The following CNTN5 variants were observed in gnomAD, a reference collection of about 807,000 sequenced individuals.
CNTN5 encodes the protein contactin-5.
In CNTN5, 77 loss-of-function variants were observed where a neutral mutation model predicts 129.1. The observed-to-expected ratio is 0.60, with a 90% confidence interval of 0.50 to 0.72. The LOEUF (loss-of-function observed/expected upper bound fraction) is 0.72, where lower values mean the gene tolerates loss of function less well. Ranked by LOEUF, CNTN5 falls within the 30% of genes least tolerant of loss-of-function variation. The pLI, the probability that CNTN5 is intolerant of heterozygous loss-of-function variation, is 0.00. For synonymous variants in CNTN5, 509 were observed against 465.6 expected, an observed-to-expected ratio of 1.09 and a Z score of -1.20; for missense variants, 1,478 against 1,328.8, an observed-to-expected ratio of 1.11 and a Z score of -1.75.
intron 7 of CNTN5, among the ~76,000 whole-genome samples, chr11:99,935,578 G>GTA (rs1295640529): frequency 1.3e-5 from 2 of 151,962 alleles, no homozygotes; most frequent in Admixed American, 6.6e-5. Context: ...GTGTATGTAT[G>GTA]TATATATATG....
At chr11:99,279,056 A>G (rs1018943704) in intron 1 of CNTN5, among the ~76,000 whole-genome samples, 1 of 151,846 alleles carries the variant, frequency 6.6e-6, no homozygotes, top group African/African-American at 2.4e-5. Flanking sequence ...ACACCACTAT[A>G]AAAACATATA....
intron 9 of CNTN5, among the ~76,000 whole-genome samples, chr11:100,017,905 TAAAAG>T (rs1940918362): frequency 6.6e-6 from 1 of 151,934 alleles, no homozygotes; most frequent in Non-Finnish European, 1.5e-5. Flanking sequence ...GTGTTACAAA[TAAAAG>T]AAAATAGAAT....
chr11:99,608,084 A>G (rs1950481543), intron 3 of CNTN5, among the ~76,000 whole-genome samples: 3 of 90,310 alleles, frequency 3.3e-5, no homozygotes, highest in East Asian at 4.5e-4. Context: ...CATGTACCCT[A>G]AAACTTAGAG....
chr11:99,772,274 C>T (rs1944972959), intron 3 of CNTN5, among the ~76,000 whole-genome samples: 1 of 151,838 alleles, frequency 6.6e-6, no homozygotes, highest in Non-Finnish European at 1.5e-5. Context: ...TGTAGTCAAA[C>T]ATCCACACCA....
At chr11:99,170,158 C>T (rs1455426154) in intron 1 of CNTN5, among the ~76,000 whole-genome samples, 11 of 151,838 alleles carry the variant, frequency 7.2e-5, no homozygotes, top group Admixed American at 6.6e-4. Flanking sequence ...GTATATATGG[C>T]TTACGTTTAT....
intron 1 of CNTN5, among the ~76,000 whole-genome samples, chr11:99,277,695 T>C (rs2135878279): frequency 6.6e-6 from 1 of 151,864 alleles, no homozygotes; most frequent in East Asian, 1.9e-4. Flanking sequence ...AATCCTGTTG[T>C]ATAACTCAAA....
At chr11:100,245,582 T>G (rs1360883092) in intron 16 of CNTN5, among the ~76,000 whole-genome samples, 2 of 152,064 alleles carry the variant, frequency 1.3e-5, no homozygotes, top group Non-Finnish European at 2.9e-5. Flanking sequence ...CCACAAAGTC[T>G]ACTTTATCTT....
intron 3 of CNTN5, among the ~76,000 whole-genome samples, chr11:99,632,686 A>T (rs1951404825): frequency 6.6e-6 from 1 of 151,898 alleles, no homozygotes; most frequent in Non-Finnish European, 1.5e-5. Context: ...CCACTGAATC[A>T]GTAGAGTCTA....
At chr11:99,693,544 T>G (rs1173141874) in intron 3 of CNTN5, among the ~76,000 whole-genome samples, 1 of 151,940 alleles carries the variant, frequency 6.6e-6, no homozygotes, top group Admixed American at 6.6e-5. Flanking sequence ...ACAGGCCCAG[T>G]GGACCGTGAA....
intron 6 of CNTN5, among the ~76,000 whole-genome samples, chr11:99,896,129 G>A (rs1949199511): frequency 6.6e-6 from 1 of 152,164 alleles, no homozygotes; most frequent in Non-Finnish European, 1.5e-5. Context: ...GCCAGGGAGG[G>A]AACAAGGAGG....
At chr11:99,154,496 C>T (rs1307343582) in intron 1 of CNTN5, among the ~76,000 whole-genome samples, 1 of 152,174 alleles carries the variant, frequency 6.6e-6, no homozygotes, top group Non-Finnish European at 1.5e-5. Context: ...GGAGCACTCA[C>T]ACATCCATGC....
intron 18 of CNTN5, among the ~76,000 whole-genome samples, chr11:100,289,874 C>A (rs532239953): frequency 6.0e-5 from 9 of 149,992 alleles, no homozygotes; most frequent in South Asian, 4.3e-4. Context: ...TTGTCTCAGC[C>A]CAAAATCTCC....
chr11:100,145,186 G>A (rs544784385), intron 13 of CNTN5, among the ~76,000 whole-genome samples: 1 of 152,234 alleles, frequency 6.6e-6, no homozygotes, highest in Admixed American at 6.6e-5. Flanking sequence ...TTCTTGGGAA[G>A]AGTAGACAAA....
intron 2 of CNTN5, among the ~76,000 whole-genome samples, chr11:99,379,027 A>T (rs1006924599): frequency 3.3e-5 from 5 of 152,036 alleles, no homozygotes; most frequent in Admixed American, 6.6e-5. Context: ...CATACATAAA[A>T]TAGCACTCAT....
At chr11:99,151,902 A>G (rs61891481) in intron 1 of CNTN5, among the ~76,000 whole-genome samples, 9,384 of 152,168 alleles carry the variant, frequency 0.062, 778 homozygotes, top group East Asian at 0.34. Context: ...GGATAGCATT[A>G]GGAGAAGACC....
chr11:99,635,821 A>G (rs1328850461), intron 3 of CNTN5, among the ~76,000 whole-genome samples: 3 of 152,122 alleles, frequency 2.0e-5, no homozygotes, highest in Admixed American at 6.6e-5. Context: ...GGGGGTTCAC[A>G]GCTTTCAGTT....
chr11:100,298,202 C>T (rs1463305466), intron 19 of CNTN5, among the ~76,000 whole-genome samples: 5 of 151,416 alleles, frequency 3.3e-5, no homozygotes, highest in Non-Finnish European at 7.4e-5. Flanking sequence ...AATAGAGCAA[C>T]TCCTTGACAA....
intron 3 of CNTN5, among the ~76,000 whole-genome samples, chr11:99,623,881 A>G (rs976656448): frequency 9.2e-5 from 14 of 152,138 alleles, no homozygotes; most frequent in African/African-American, 3.1e-4. Flanking sequence ...TTTCTGACAT[A>G]CATCATTTAA....
At chr11:100,198,279 A>C (rs2138536214) in intron 15 of CNTN5, among the ~76,000 whole-genome samples, 1 of 152,134 alleles carries the variant, frequency 6.6e-6, no homozygotes, top group African/African-American at 2.4e-5. Flanking sequence ...TTAAAATCAC[A>C]GCCAAATTTT....
Sources: allele counts gnomAD v4.1 joint callset (sites outside exome capture counted in the v4.1 genomes callset), GRCh38; gene constraint gnomAD v4.1.1; transcripts MANE v1.5; gene names NCBI Gene and HGNC (gene_info 2026-07-23, HGNC 2026-07-21).